Variants in TMEM132B observed in about 807,000 individuals in gnomAD.
TMEM132B encodes transmembrane protein 132B.
A neutral mutation model predicts 90.8 loss-of-function variants in TMEM132B; 18 were observed. The observed-to-expected ratio is 0.20, with a 90% confidence interval of 0.14 to 0.29. The LOEUF is 0.29. Among genes scored for constraint, TMEM132B ranks in the 10% least tolerant of loss-of-function variants. The pLI is 1.00. For missense variants in TMEM132B, 1,096 were observed against 1,326.8 expected, an observed-to-expected ratio of 0.83 and a Z score of 2.70; for synonymous variants, 504 against 523.3, an observed-to-expected ratio of 0.96 and a Z score of 0.50.
intron 3 of TMEM132B, among the ~76,000 whole-genome samples, chr12:125,466,522 G>A (rs1881565948): frequency 1.3e-5 from 2 of 152,214 alleles, no homozygotes; most frequent in Admixed American, 1.3e-4. Context: ...TCACTGTTCT[G>A]CTATGCAGAG....
At chr12:125,278,718 C>A (rs1237584650) in intron 1 of TMEM132B, among the ~76,000 whole-genome samples, 1 of 151,936 alleles carries the variant, frequency 6.6e-6, no homozygotes, top group Non-Finnish European at 1.5e-5. Flanking sequence ...TTTTTAAAGG[C>A]AAGATATGAA....
At chr12:125,396,999 C>G (rs1304020633) in intron 2 of TMEM132B, among the ~76,000 whole-genome samples, 1 of 148,918 alleles carries the variant, frequency 6.7e-6, no homozygotes, top group Non-Finnish European at 1.5e-5. Context: ...TGAGACAGAG[C>G]CTTGATCTGT....
rs1883947390 is a variant in TMEM132B at position 125,541,204 on chromosome 12, C to T, written c.1293+21579C>T. Among the ~76,000 whole-genome samples the T allele has an allele frequency of 2.0e-5, 3 of 152,340 alleles. 1 individual carries two copies. In the South Asian group the frequency reaches 6.2e-4, roughly 32 times the overall value. On this transcript the variant is annotated intron_variant, in intron 4 of 8. Coordinates refer to ENST00000682704, the MANE Select transcript of TMEM132B (RefSeq NM_001366854.1). ...CTTCATAATAATCATTGTCACGACA[C>T]ATTTTGCTATATCTTTCGCACCTGG...
At chr12:125,511,850 T>TAAAAAAAAAAAAAAAAAAA (rs1188465342) in intron 3 of TMEM132B, among the ~76,000 whole-genome samples, 1 of 89,710 alleles carries the variant, frequency 1.1e-5, no homozygotes, top group African/African-American at 6.0e-5. Flanking sequence ...AGACTCTATC[T>TAAAAAAAAAAAAAAAAAAA]CAAAAAAAAA....
intron 1 of TMEM132B, among the ~76,000 whole-genome samples, chr12:125,305,555 C>T (rs375517985): frequency 1.9e-4 from 29 of 152,006 alleles, no homozygotes; most frequent in African/African-American, 6.8e-4. Flanking sequence ...TTAGGTTTTC[C>T]TAAGATGGAG....
At chr12:125,248,792 C>T (rs780804236) in intron 1 of TMEM132B, among the ~76,000 whole-genome samples, 1 of 152,130 alleles carries the variant, frequency 6.6e-6, no homozygotes. Flanking sequence ...TGGGCCTGCA[C>T]CACAGTTCCC....
intron 1 of TMEM132B, among the ~76,000 whole-genome samples, chr12:125,257,040 C>T (rs1258131629): frequency 6.6e-6 from 1 of 152,110 alleles, no homozygotes; most frequent in East Asian, 1.9e-4. Context: ...AAGGCCAGCA[C>T]GGTGGCTTAT....
In TMEM132B at chr12:125,344,750, GA is replaced by G. The variant is rs2136225663; in HGVS notation, c.68-4699del. Among the ~76,000 whole-genome samples the G allele has an allele frequency of 5.9e-5, 9 of 152,250 alleles. 1 individual carries two copies. Among genetic ancestry groups the G allele is most frequent in the Admixed American group, 5.9e-4 (9 of 15,306 alleles). Reference sequence around the variant, plus strand: ...CTCAGAGAAGGTGTCTCTGAGCTAAGAAATCCAGACCAGAAGGAGTCTTCTC... The same window carrying G: ...CTCAGAGAAGGTGTCTCTGAGCTAAGAATCCAGACCAGAAGGAGTCTTCTC... On this transcript the variant is annotated intron_variant, in intron 1 of 8. Coordinates refer to ENST00000682704, the MANE Select transcript of TMEM132B (RefSeq NM_001366854.1).
intron 1 of TMEM132B, among the ~76,000 whole-genome samples, chr12:125,197,606 A>G (rs1019216056): frequency 5.3e-5 from 8 of 152,244 alleles, no homozygotes; most frequent in Non-Finnish European, 7.3e-5. Flanking sequence ...AGAATTAAGT[A>G]GTTGTGACAG....
At chr12:125,517,332 T>G (rs1883188042) in intron 3 of TMEM132B, among the ~76,000 whole-genome samples, 1 of 21,930 alleles carries the variant, frequency 4.6e-5, no homozygotes, top group East Asian at 6.3e-3. Context: ...TGCTGATTTT[T>G]TTTTTTTTTT....
rs1555237239 is a variant in TMEM132B at position 125,295,538 on chromosome 12, G to GAC, written c.68-53913_68-53912insCA. 7.3e-3 allele frequency among the ~76,000 whole-genome samples: 1,085 copies of GAC among 148,736 alleles called. 4 individuals carry two copies. The highest frequency in any genetic ancestry group is 0.014 in the Middle Eastern group (4 of 292). ...TGTGAGAGAGAGAGAGAGAGAGAGAGAGAGACAGAGACAGAGACAGAGACA... is the reference window on the plus strand; with the variant it reads ...TGTGAGAGAGAGAGAGAGAGAGAGAGACAGAGACAGAGACAGAGACAGAGACA... On this transcript the variant is annotated intron_variant, in intron 1 of 8. Transcript: ENST00000682704.
intron 5 of TMEM132B, among the ~76,000 whole-genome samples, chr12:125,625,130 C>CCTTTTTT (rs1459129162): frequency 1.6e-4 from 17 of 103,910 alleles, no homozygotes; most frequent in African/African-American, 6.3e-4. Flanking sequence ...GATTTGACTT[C>CCTTTTTT]TTTTTTTTTT....
At chr12:125,493,299 A>C (rs1034327241) in intron 3 of TMEM132B, among the ~76,000 whole-genome samples, 1 of 152,322 alleles carries the variant, frequency 6.6e-6, no homozygotes, top group African/African-American at 2.4e-5. Context: ...TTGGATTAAT[A>C]TTTCAACATG....
chr12:125,386,032 G>A (rs749300116), intron 2 of TMEM132B, among the ~76,000 whole-genome samples: 59 of 152,106 alleles, frequency 3.9e-4, no homozygotes, highest in Non-Finnish European at 7.2e-4. Flanking sequence ...TCACTCTGTT[G>A]CCCAGGTTGG....
chr12:125,236,422 C>G (rs1228716966), intron 1 of TMEM132B, among the ~76,000 whole-genome samples: 1 of 152,098 alleles, frequency 6.6e-6, no homozygotes, highest in Non-Finnish European at 1.5e-5. Flanking sequence ...CTCCCAAATT[C>G]TTGGGATTAC....
In TMEM132B at chr12:125,250,322, GA is replaced by G. The variant is rs1373251703; in HGVS notation, c.67+63460del. On this transcript the variant is annotated intron_variant, in intron 1 of 8. Transcript: ENST00000682704. ...CTGCAATAAGTCCCCATTGCATAAA[GA>G]AAATGTCAAGTCACTTTGCTCTTGG... Among the ~76,000 whole-genome samples, 15 of 152,364 alleles carry G rather than the reference GA, an allele frequency of 9.8e-5. No homozygotes were observed. The South Asian group carries it at 2.5e-3, about 25-fold the overall frequency.
intron 2 of TMEM132B, among the ~76,000 whole-genome samples, chr12:125,388,316 C>G (rs950026869): frequency 6.6e-6 from 1 of 152,076 alleles, no homozygotes; most frequent in Non-Finnish European, 1.5e-5. Context: ...GTAATCCCAG[C>G]TACTTGGGAG....
chr12:125,432,692 A>G (rs1379438263), intron 3 of TMEM132B, among the ~76,000 whole-genome samples: 1 of 151,692 alleles, frequency 6.6e-6, no homozygotes, highest in Non-Finnish European at 1.5e-5. Flanking sequence ...TTTTTGATAT[A>G]TCAACTTGCT....
rs982824837 is a variant in TMEM132B, at chr12:125,648,528, C to T, written c.1644-2155C>T. On this transcript the variant is annotated intron_variant, in intron 6 of 8. Transcript: ENST00000682704. ...TTGCATAAAGAGTGTATAAGATCTC[C>T]TGTTTTTTTTTTTTTTTCTGTTGTT... Among the ~76,000 whole-genome samples the T allele has an allele frequency of 1.2e-4, 15 of 125,902 alleles. No individual in the cohort carries two copies. In the East Asian group the frequency reaches 3.4e-3, roughly 28 times the overall value. 82.6% of individuals were successfully genotyped at this position (125,902 alleles called of 152,430 possible). A position where few individuals can be genotyped will look rare whatever the true frequency, so the allele number is the denominator to read the frequency against.
Sources: gnomAD v4.1 joint callset for allele counts (sites outside exome capture counted in the v4.1 genomes callset) on GRCh38, gnomAD v4.1.1 for gene constraint, MANE v1.5 for transcripts, NCBI Gene and HGNC (gene_info 2026-07-23, HGNC 2026-07-21) for gene names.